The following GRIP2 variants were observed in gnomAD, a reference collection of about 807,000 sequenced individuals.
The protein encoded by GRIP2 is glutamate receptor interacting protein 2.
A neutral mutation model predicts 108.3 loss-of-function variants in GRIP2; 58 were observed. The ratio of observed to expected loss-of-function variants is 0.54; its 90% confidence interval spans 0.43 to 0.67. The LOEUF is 0.67. Ranked by LOEUF, GRIP2 falls within the 30% of genes least tolerant of loss-of-function variation. The pLI, the probability that GRIP2 is intolerant of heterozygous loss-of-function variation, is 0.00. For synonymous variants in GRIP2, 586 were observed against 598.2 expected, an observed-to-expected ratio of 0.98 and a Z score of 0.30; for missense variants, 1,278 against 1,430.6, an observed-to-expected ratio of 0.89 and a Z score of 1.72.
chr3:14,501,593 C>A (rs1693765753), intron 21 of GRIP2, among the ~76,000 whole-genome samples: 2 of 152,106 alleles, frequency 1.3e-5, no homozygotes, highest in South Asian at 4.1e-4. Flanking sequence ...GCTAAAAAAG[C>A]AGTCTACAAA....
rs766976251 is a variant in GRIP2 at position 14,520,556 on chromosome 3, A to G, written c.713-19T>C. 2.5e-6 allele frequency: 4 copies of G among 1,613,144 alleles called. No individual in the cohort carries two copies. The highest frequency in any genetic ancestry group is 3.4e-6 in the Non-Finnish European group (4 of 1,179,520). On this transcript the variant is annotated intron_variant, in intron 7 of 23. Coordinates refer to ENST00000621039, the MANE Select transcript of GRIP2 (RefSeq NM_001080423.4). ...ACCGTGTCTGGCATGACGGAGAAAA[A>G]AAGTTTGAAATGCAAATACCGAGCA... is the stretch of plus-strand genomic sequence containing the variant.
rs1694074764 is a variant in GRIP2 at position 14,511,062 on chromosome 3, C to A, written c.1933+103G>T. On this transcript the variant is annotated intron_variant, in intron 16 of 23. Coordinates refer to ENST00000621039, the MANE Select transcript of GRIP2 (RefSeq NM_001080423.4). This position sits in a 1 kb window ranked among gnomAD's most constrained non-coding sequence, Gnocchi z 4.1. Reference sequence around the variant, plus strand: ...CCAGCCAGCCTTCAGCAGCGCCCACCACCCTCCCTTCCTCGGCTGGAGGGA... The same window carrying A: ...CCAGCCAGCCTTCAGCAGCGCCCACAACCCTCCCTTCCTCGGCTGGAGGGA... 2 of 1,386,654 alleles carry A rather than the reference C, an allele frequency of 1.4e-6. No homozygotes were observed. The highest frequency in any genetic ancestry group is 2.9e-5 in the African/African-American group (2 of 69,896). The allele number at this position is 1,386,654 out of a possible 1,614,324, so 85.9% of individuals were successfully genotyped here.
intron 1 of GRIP2, among the ~76,000 whole-genome samples, chr3:14,553,609 G>A (rs1695187754): frequency 6.6e-6 from 1 of 152,114 alleles, no homozygotes; most frequent in Non-Finnish European, 1.5e-5. Flanking sequence ...GTGGCTCAGG[G>A]ACCTCCGCCC....
intron 20 of GRIP2, chr3:14,503,946 C>T: frequency 2.1e-6 from 1 of 475,154 alleles, no homozygotes; most frequent in Non-Finnish European, 3.8e-6. Flanking sequence ...AGCGGTGACA[C>T]AGGATGCCTA....
Position 14,523,045 on chromosome 3 carries a change from C to A in GRIP2, c.521G>T (p.Arg174Leu), listed in dbSNP as rs372928485. ...GGAHEDGHKS[R>L]PLVLTYVRPG... The stretch of plus-strand genomic sequence containing the variant: ...CCGCACGTAGGTCAGGACAAGCGGG[C>A]GGGACTTGTGCCCATCTTCATGGGC... The change falls in exon 6 of 24, where the codon CGC becomes CTC. Residue 174 changes from arginine (R) to leucine (L), a missense_variant. By Grantham distance (102) the Arg-to-Leu change is moderately radical (BLOSUM62 -2). Transcript: ENST00000621039. 2 of 1,612,112 alleles carry A rather than the reference C, an allele frequency of 1.2e-6. No individual in the cohort carries two copies. The highest frequency in any genetic ancestry group is 1.7e-5 in the Admixed American group (1 of 59,716).
chr3:14,542,143 T>C, upstream of GRIP2: 5 of 1,075,540 alleles, frequency 4.6e-6, no homozygotes, highest in South Asian at 7.5e-5. Context: ...TTTCTCTCTT[T>C]TTATTTTTTA....
At chr3:14,524,305 T>C in intron 4 of GRIP2, 88 bp downstream of exon 4, 2 of 1,444,998 alleles carry the variant, frequency 1.4e-6, no homozygotes, top group South Asian at 2.7e-5. Flanking sequence ...TCTGGCATGA[T>C]CCCTGCCACC....
chr3:14,574,527 G>C, the GRIP2 span: 2 of 742,516 alleles, frequency 2.7e-6, no homozygotes, highest in South Asian at 1.4e-5. Context: ...CTCCTGCTCC[G>C]GTGCCTTCTC....
chr3:14,525,971 G>C, intron 1 of GRIP2, 40 bp from the exon 2 acceptor site: 1 of 1,522,672 alleles, frequency 6.6e-7, no homozygotes, highest in Non-Finnish European at 8.9e-7. Flanking sequence ...TTCCACTTTC[G>C]TTTCCATTCC....
At chr3:14,523,461 C>G (rs1008252576) in intron 5 of GRIP2, 151 bp downstream of exon 5, 1 of 623,312 alleles carries the variant, frequency 1.6e-6, no homozygotes, top group African/African-American at 1.8e-5. Flanking sequence ...GGCAGATTTT[C>G]CCACTGAATA....
chr3:14,599,552 G>T, the GRIP2 span, among the ~76,000 whole-genome samples: 1 of 151,800 alleles, frequency 6.6e-6, no homozygotes, highest in Admixed American at 6.6e-5. Context: ...TTCTGATTGT[G>T]CACAGAGGCC....
the GRIP2 span, among the ~76,000 whole-genome samples, chr3:14,567,927 G>A: frequency 6.6e-6 from 1 of 152,228 alleles, no homozygotes; most frequent in African/African-American, 2.4e-5. Flanking sequence ...TCACACAAAT[G>A]AAGGGAATAG....
intron 17 of GRIP2, among the ~76,000 whole-genome samples, chr3:14,508,909 G>T (rs1341681886): frequency 6.6e-6 from 1 of 152,220 alleles, no homozygotes; most frequent in Non-Finnish European, 1.5e-5. Flanking sequence ...CAGTTGGACA[G>T]CACTGAGCTA....
intron 22 of GRIP2, 24 bp from the exon 23 acceptor site, chr3:14,495,013 T>C (rs1693547305): frequency 6.2e-7 from 1 of 1,610,792 alleles, no homozygotes; most frequent in Non-Finnish European, 8.5e-7. Flanking sequence ...GAGGAGGAGG[T>C]TCCTGGAACT....
chr3:14,541,216 C>T (rs1000331178), upstream of GRIP2, among the ~76,000 whole-genome samples: 1 of 152,238 alleles, frequency 6.6e-6, no homozygotes, highest in East Asian at 1.9e-4. Context: ...CACCCAATTT[C>T]CCCTGCCCTC....
intron 1 of GRIP2, among the ~76,000 whole-genome samples, chr3:14,529,120 A>G (rs12494836): frequency 0.048 from 7,261 of 151,858 alleles, 266 homozygotes; most frequent in Middle Eastern, 0.11. Flanking sequence ...AATACAAAAA[A>G]AAAAAAAAAT....
intron 11 of GRIP2, among the ~76,000 whole-genome samples, chr3:14,516,201 T>C (rs2124903650): frequency 6.6e-6 from 1 of 152,232 alleles, no homozygotes; most frequent in South Asian, 2.1e-4. Flanking sequence ...AGATATATTT[T>C]CTCTCTCATC....
Position 14,520,159 on chromosome 3 carries a change from C to T in GRIP2, c.981G>A (p.Glu327=), listed in dbSNP as rs758785188. Residue 327 remains glutamate, a synonymous_variant, in exon 9 of 24, where the codon GAG becomes GAA. Coordinates refer to ENST00000621039, the MANE Select transcript of GRIP2 (RefSeq NM_001080423.4). Reference sequence around the variant, plus strand: ...GCTGACTCTGGGGCACAGGCAGGATCTCCAGCCGCACCTTCTCTGAAATGC... The same window carrying T: ...GCTGACTCTGGGGCACAGGCAGGATTTCCAGCCGCACCTTCTCTGAAATGC... ...LASISEKVRL[E]ILPVPQSQRP... 1.2e-6 allele frequency: 2 copies of T among 1,611,210 alleles called. No individual in the cohort carries two copies. Among genetic ancestry groups the T allele is most frequent in the East Asian group, 2.2e-5 (1 of 44,858 alleles).
the GRIP2 span, among the ~76,000 whole-genome samples, chr3:14,593,376 A>G: frequency 6.6e-6 from 1 of 152,218 alleles, no homozygotes; most frequent in Non-Finnish European, 1.5e-5. Flanking sequence ...GGCCATGAAC[A>G]TGACTGATCC....
Sources: gnomAD v4.1 joint callset for allele counts (sites outside exome capture counted in the v4.1 genomes callset) on GRCh38, gnomAD v4.1.1 for gene constraint, Gnocchi (gnomAD v3.1) non-coding constraint, MANE v1.5 for transcripts, NCBI Gene and HGNC (gene_info 2026-07-23, HGNC 2026-07-21) for gene names.